The following LARP4 variants were observed in gnomAD, a reference collection of about 807,000 sequenced individuals.
LARP4 encodes the protein La ribonucleoprotein 4.
In LARP4, 29 loss-of-function variants were observed where a neutral mutation model predicts 92.9. The ratio of observed to expected loss-of-function variants is 0.31; its 90% CI spans 0.23 to 0.43. The LOEUF is 0.43. Among genes scored for constraint, LARP4 ranks in the 20% least tolerant of loss-of-function variants. The pLI is 1.00. For synonymous variants in LARP4, 279 were observed against 284.1 expected, an observed-to-expected ratio of 0.98 and a Z score of 0.18; for missense variants, 732 against 860.0, an observed-to-expected ratio of 0.85 and a Z score of 1.86.
chr12:50,447,739 C>T (rs1952446379), intron 8 of LARP4, among the ~76,000 whole-genome samples: 1 of 151,972 alleles, frequency 6.6e-6, no homozygotes, highest in African/African-American at 2.4e-5. Context: ...TTTGTGGAGA[C>T]AGGGTCTTGC....
At chr12:50,435,403 A>G in intron 4 of LARP4, 85 bp from the exon 5 acceptor site, 2 of 798,720 alleles carry the variant, frequency 2.5e-6, no homozygotes, top group African/African-American at 1.7e-5. Flanking sequence ...CCATGCATTT[A>G]AAAAGTAGGA....
At position 50,475,849 on chromosome 12, in the gene LARP4, C is replaced by G. The variant is rs1161627474; in HGVS notation, c.2160C>G (p.Pro720=). Residue 720 remains proline (P), a synonymous_variant, in exon 16 of 16, where the codon CCC becomes CCG. Coordinates refer to ENST00000398473, the MANE Select transcript of LARP4 (RefSeq NM_052879.5). ...RRNGKEQYVP[P]RSPK ...ATGGCAAAGAGCAATATGTGCCACC[C>G]AGATCACCAAAGTAAAAAACAACAA... 1 of 1,611,916 alleles carries G rather than the reference C, an allele frequency of 6.2e-7. No homozygotes were observed. The highest frequency in any genetic ancestry group is 1.3e-5 in the African/African-American group (1 of 74,740).
intron 4 of LARP4, among the ~76,000 whole-genome samples, chr12:50,431,252 G>A (rs371966468): frequency 2.0e-5 from 3 of 152,228 alleles, no homozygotes; most frequent in African/African-American, 7.2e-5. Context: ...TGGGCAACAA[G>A]AGCGAAACTC....
intron 8 of LARP4, among the ~76,000 whole-genome samples, chr12:50,443,833 G>A (rs1040494651): frequency 3.3e-5 from 5 of 151,312 alleles, no homozygotes; most frequent in Non-Finnish European, 7.4e-5. Flanking sequence ...AGCTGCTCTC[G>A]AACTCCTGAC....
chr12:50,415,196 A>C (rs528685290), intron 1 of LARP4, among the ~76,000 whole-genome samples: 9 of 152,212 alleles, frequency 5.9e-5, no homozygotes, highest in Non-Finnish European at 1.3e-4. Flanking sequence ...AGAGCAGGAG[A>C]TCTGTCTCAA....
intron 1 of LARP4, among the ~76,000 whole-genome samples, chr12:50,404,351 A>G (rs1234546176): frequency 6.6e-6 from 1 of 152,196 alleles, no homozygotes; most frequent in Non-Finnish European, 1.5e-5. Context: ...TATTGCAGAC[A>G]AGGAATCAAT....
At chr12:50,422,910 T>C (rs1565974802) in intron 1 of LARP4, among the ~76,000 whole-genome samples, 1 of 151,272 alleles carries the variant, frequency 6.6e-6, no homozygotes, top group Non-Finnish European at 1.5e-5. Flanking sequence ...CTCTGACTCC[T>C]GGGTTCAAGC....
At chr12:50,455,968 C>T (rs1020261688) in intron 10 of LARP4, among the ~76,000 whole-genome samples, 2 of 152,104 alleles carry the variant, frequency 1.3e-5, no homozygotes, top group Admixed American at 6.6e-5. Flanking sequence ...ACGAGAATTG[C>T]TTGAGCCTGA....
intron 1 of LARP4, among the ~76,000 whole-genome samples, chr12:50,411,072 A>T (rs1407141072): frequency 3.3e-5 from 5 of 152,256 alleles, no homozygotes; most frequent in African/African-American, 1.2e-4. Flanking sequence ...TTGCTGTTCA[A>T]AGTGTTATCC....
intron 1 of LARP4, among the ~76,000 whole-genome samples, chr12:50,412,771 C>T (rs911489409): frequency 6.6e-6 from 1 of 152,128 alleles, no homozygotes; most frequent in Non-Finnish European, 1.5e-5. Context: ...TATCTATGTG[C>T]TTGCATACTA....
intron 1 of LARP4, 171 bp downstream of exon 1, chr12:50,401,199 A>T (rs1943752722): frequency 1.4e-6 from 1 of 737,820 alleles, no homozygotes; most frequent in Non-Finnish European, 2.4e-6. Context: ...GCGCGCTCAC[A>T]ACACTCTAGG....
intron 1 of LARP4, among the ~76,000 whole-genome samples, chr12:50,403,566 C>T (rs756533425): frequency 1.2e-4 from 18 of 152,102 alleles, no homozygotes; most frequent in South Asian, 2.1e-4. Flanking sequence ...TGTAAAAAAA[C>T]GGAGAAGAGA....
intron 8 of LARP4, among the ~76,000 whole-genome samples, chr12:50,451,577 G>A (rs996671897): frequency 1.3e-5 from 2 of 152,226 alleles, no homozygotes; most frequent in African/African-American, 4.8e-5. Flanking sequence ...GCTCATGCCT[G>A]TAATCCTAGC....
intron 1 of LARP4, among the ~76,000 whole-genome samples, chr12:50,406,940 A>T (rs376648354): frequency 9.3e-4 from 142 of 152,196 alleles, no homozygotes; most frequent in South Asian, 5.0e-3. Flanking sequence ...CTGGTCTCAA[A>T]CTCCTAACCT....
chr12:50,451,352 A>G (rs972363912), intron 8 of LARP4, among the ~76,000 whole-genome samples: 13 of 152,154 alleles, frequency 8.5e-5, no homozygotes, highest in African/African-American at 2.9e-4. Flanking sequence ...CACTTAGCAT[A>G]ATGTCTTCTA....
rs1943678882 is a variant in LARP4, at chr12:50,400,886, G to A, written c.-125G>A. The A allele has an allele frequency of 3.0e-6, 4 of 1,330,126 alleles. No homozygotes were observed. Among genetic ancestry groups the A allele is most frequent in the Non-Finnish European group, 4.3e-6 (4 of 921,750 alleles). 82.4% of individuals were successfully genotyped at this position (1,330,126 alleles called of 1,614,324 possible). A position where few individuals can be genotyped will look rare whatever the true frequency, so the allele number is the denominator to read the frequency against. ...CGCAGCGGCTGACGGCAGGGGAGGA[G>A]CCGGGTCCACTGCCGGGTGGAGGGG... is the stretch of plus-strand genomic sequence containing the variant. On this transcript the variant is annotated 5_prime_UTR_variant, in exon 1 of 16. Transcript: ENST00000398473.
At chr12:50,412,160 C>T (rs1465968980) in intron 1 of LARP4, among the ~76,000 whole-genome samples, 2 of 152,154 alleles carry the variant, frequency 1.3e-5, no homozygotes, top group African/African-American at 2.4e-5. Context: ...AATTACTATT[C>T]TCTGAATGAG....
At position 50,440,453 on chromosome 12, in the gene LARP4, G is replaced by T; in HGVS notation, c.654G>T (p.Leu218Phe). 1 of 1,613,130 alleles carries T rather than the reference G, an allele frequency of 6.2e-7. No homozygotes were observed. Among genetic ancestry groups the T allele is most frequent in the Non-Finnish European group, 8.5e-7 (1 of 1,179,258 alleles). ...TTTCTTTTTAGGAAGTGAAAGGTTT[G>T]TTCAAAAGTGAAAACTGCCCCAAAG... is the stretch of plus-strand genomic sequence containing the variant. ...ETTPIEEVKG[L>F]FKSENCPKVI... Residue 218 changes from leucine (L) to phenylalanine (F), a missense_variant, in exon 7 of 16, where the codon TTG becomes TTT. Physicochemically the swap from Leu to Phe is conservative, Grantham distance 22 (BLOSUM62 0). This residue lies in a region of LARP4 where 236 missense variants were observed against 307.6 expected (regional missense o/e 0.77). Coordinates refer to ENST00000398473, the MANE Select transcript of LARP4 (RefSeq NM_052879.5).
intron 13 of LARP4, among the ~76,000 whole-genome samples, chr12:50,470,494 C>T (rs752919888): frequency 1.1e-4 from 16 of 151,322 alleles, no homozygotes; most frequent in African/African-American, 1.7e-4. Flanking sequence ...AGTGCAGTGG[C>T]GCGATCTCGG....
Sources: gnomAD v4.1 joint callset for allele counts (sites outside exome capture counted in the v4.1 genomes callset) on GRCh38, gnomAD v4.1.1 for gene constraint, gnomAD v4.1.1 regional missense constraint, MANE v1.5 for transcripts, NCBI Gene and HGNC (gene_info 2026-07-23, HGNC 2026-07-21) for gene names.